MAGI2: variants seen among roughly 807,000 people sequenced by gnomAD.
MAGI2 encodes membrane associated guanylate kinase, WW and PDZ domain containing 2.
Under a neutral mutation model 133.3 loss-of-function variants are expected in MAGI2, and 35 were observed. The observed-to-expected ratio is 0.26, with a 90% CI of 0.20 to 0.35. MAGI2 has a LOEUF of 0.35. Among genes scored for constraint, MAGI2 ranks in the 10% least tolerant of loss-of-function variants. The pLI is 1.00. For synonymous variants in MAGI2, 729 were observed against 710.6 expected, an observed-to-expected ratio of 1.03 and a Z score of -0.41; for missense variants, 1,636 against 1,863.4, an observed-to-expected ratio of 0.88 and a Z score of 2.25.
At chr7:79,207,792 C>A (rs1213852464) in intron 1 of MAGI2, among the ~76,000 whole-genome samples, 2 of 151,968 alleles carry the variant, frequency 1.3e-5, no homozygotes, top group Non-Finnish European at 2.9e-5. Flanking sequence ...TCAAAAACTA[C>A]AAAGCCTTAG....
At chr7:78,268,007 T>C (rs1410637206) in intron 9 of MAGI2, among the ~76,000 whole-genome samples, 1 of 152,156 alleles carries the variant, frequency 6.6e-6, no homozygotes, top group Admixed American at 6.6e-5. Flanking sequence ...CCTCCCTCTG[T>C]ACGACTATTG....
At chr7:78,823,909 T>TCA (rs151269215) in intron 2 of MAGI2, among the ~76,000 whole-genome samples, 2,588 of 148,126 alleles carry the variant, frequency 0.017, 24 homozygotes, top group South Asian at 0.03. Flanking sequence ...GGATTTCACA[T>TCA]CACACACACA....
rs1315002110 is a variant in MAGI2 at position 78,405,005 on chromosome 7, G to A, written c.1046-35792C>T. On this transcript the variant is annotated intron_variant, in intron 6 of 21. Transcript: ENST00000354212. Reference sequence around the variant, plus strand: ...TCAAACAACCCCATCAAGTTAACTCGTTAATGGTTTCTTCCTTTACTGAGG... The same window carrying A: ...TCAAACAACCCCATCAAGTTAACTCATTAATGGTTTCTTCCTTTACTGAGG... Among the ~76,000 whole-genome samples the A allele has an allele frequency of 3.3e-5, 5 of 151,972 alleles. 1 individual carries two copies. The highest frequency in any genetic ancestry group is 4.1e-4 in the South Asian group (2 of 4,824).
intron 1 of MAGI2, among the ~76,000 whole-genome samples, chr7:79,405,921 C>CAAAAAAA (rs34025242): frequency 1.9e-5 from 2 of 107,282 alleles, no homozygotes; most frequent in Non-Finnish European, 2.0e-5. Context: ...AACCACAACA[C>CAAAAAAA]AAAAAAAAAA....
intron 14 of MAGI2, among the ~76,000 whole-genome samples, chr7:78,172,558 T>A (rs1252565229): frequency 1.3e-5 from 2 of 152,274 alleles, no homozygotes; most frequent in African/African-American, 4.8e-5. Context: ...GTTATTTAAC[T>A]GTGAAAAGTA....
chr7:79,119,591 TG>T (rs1819708727), intron 1 of MAGI2, among the ~76,000 whole-genome samples: 1 of 152,062 alleles, frequency 6.6e-6, no homozygotes, highest in Non-Finnish European at 1.5e-5. Context: ...TTTCAGTAAA[TG>T]AAATATTAGT....
Position 78,147,627 on chromosome 7 carries a change from G to C in MAGI2, c.2845+12398C>G, listed in dbSNP as rs191655445. ...CCATAATGAAATGCCAATTATACTGGAGGGGGAAGAGACTAAAAGTGAAAA... is the reference window on the plus strand; with the variant it reads ...CCATAATGAAATGCCAATTATACTGCAGGGGGAAGAGACTAAAAGTGAAAA... On this transcript the variant is annotated intron_variant, in intron 16 of 21. Transcript: ENST00000354212. 5.3e-5 allele frequency among the ~76,000 whole-genome samples: 8 copies of C among 152,146 alleles called. No homozygotes were observed. In the South Asian group the frequency reaches 8.3e-4, roughly 16 times the overall value.
chr7:78,885,927 C>T (rs1206828417), intron 2 of MAGI2, among the ~76,000 whole-genome samples: 1 of 152,144 alleles, frequency 6.6e-6, no homozygotes, highest in African/African-American at 2.4e-5. Flanking sequence ...ACTGTGCCTG[C>T]TGATCCTCTA....
At chr7:78,402,800 T>C (rs1466938718) in intron 6 of MAGI2, among the ~76,000 whole-genome samples, 1 of 152,178 alleles carries the variant, frequency 6.6e-6, no homozygotes, top group African/African-American at 2.4e-5. Context: ...CATTAATAAA[T>C]TTATTCTCCA....
At chr7:78,831,809 A>G (rs1420369287) in intron 2 of MAGI2, among the ~76,000 whole-genome samples, 1 of 152,180 alleles carries the variant, frequency 6.6e-6, no homozygotes, top group Non-Finnish European at 1.5e-5. Flanking sequence ...CAGCAAGATA[A>G]ATTGTTCTAA....
At chr7:78,480,656 A>G (rs898368290) in intron 6 of MAGI2, among the ~76,000 whole-genome samples, 2 of 151,938 alleles carry the variant, frequency 1.3e-5, no homozygotes, top group African/African-American at 4.8e-5. Flanking sequence ...TCAGTTGAAA[A>G]TAGTCTATGT....
intron 2 of MAGI2, among the ~76,000 whole-genome samples, chr7:78,930,980 T>C (rs1303318505): frequency 6.6e-6 from 1 of 152,050 alleles, no homozygotes; most frequent in Non-Finnish European, 1.5e-5. Context: ...TTTTGCTATT[T>C]AGGAGGATGG....
intron 2 of MAGI2, among the ~76,000 whole-genome samples, chr7:78,641,512 G>C (rs766066518): frequency 6.6e-6 from 1 of 152,110 alleles, no homozygotes; most frequent in Admixed American, 6.5e-5. Context: ...GAAGTCGTTT[G>C]CCCACCCCTA....
At chr7:79,225,169 C>T (rs926615066) in intron 1 of MAGI2, among the ~76,000 whole-genome samples, 21 of 152,132 alleles carry the variant, frequency 1.4e-4, no homozygotes, top group African/African-American at 4.6e-4. Context: ...TGAGCTTTTC[C>T]ACCACCTGTG....
At chr7:78,708,685 A>G (rs1818884682) in intron 2 of MAGI2, among the ~76,000 whole-genome samples, 1 of 152,126 alleles carries the variant, frequency 6.6e-6, no homozygotes, top group Non-Finnish European at 1.5e-5. Flanking sequence ...CTTTAATAAC[A>G]CTAACAATAA....
chr7:78,540,767 T>C (rs1163656198), intron 3 of MAGI2, among the ~76,000 whole-genome samples: 1 of 151,874 alleles, frequency 6.6e-6, no homozygotes, highest in Non-Finnish European at 1.5e-5. Context: ...GGGCCGGGAG[T>C]GCCTACAGGA....
Position 78,384,279 on chromosome 7 carries a change from A to C in MAGI2, c.1046-15066T>G, listed in dbSNP as rs190769623. Among the ~76,000 whole-genome samples the C allele has an allele frequency of 6.8e-4, 103 of 152,296 alleles. 1 individual carries two copies. The highest frequency in any genetic ancestry group is 2.3e-3 in the African/African-American group (94 of 41,578). On this transcript the variant is annotated intron_variant, in intron 6 of 21. Transcript: ENST00000354212. ...TTCAAGAAATATTTATTGATAACCT[A>C]CTATGAGCTAAGCACTGTGCTGGGC...
intron 13 of MAGI2, among the ~76,000 whole-genome samples, chr7:78,178,434 G>T (rs933276235): frequency 6.6e-6 from 1 of 152,132 alleles, no homozygotes. Flanking sequence ...CAAGAAGCTA[G>T]ACTGTCACTT....
intron 1 of MAGI2, among the ~76,000 whole-genome samples, chr7:79,272,453 A>G (rs1834945422): frequency 6.6e-6 from 1 of 152,100 alleles, no homozygotes; most frequent in Non-Finnish European, 1.5e-5. Context: ...CGCTTAGCAT[A>G]ATGAATTCTG....
Sources: gnomAD v4.1 joint callset for allele counts (sites outside exome capture counted in the v4.1 genomes callset) on GRCh38, gnomAD v4.1.1 for gene constraint, MANE v1.5 for transcripts, NCBI Gene and HGNC (gene_info 2026-07-23, HGNC 2026-07-21) for gene names.